Variants in MYO3A observed in about 807,000 individuals in gnomAD.
The protein encoded by MYO3A is myosin-IIIa.
A neutral mutation model predicts 192.7 loss-of-function variants in MYO3A; 180 were observed. The ratio of observed to expected loss-of-function variants is 0.93; its 90% CI spans 0.83 to 1.06. MYO3A has a LOEUF of 1.06. Among genes scored for constraint, MYO3A ranks in the 50% least tolerant of loss-of-function variants. The pLI, the probability that MYO3A is intolerant of heterozygous loss-of-function variation, is 0.00. For missense variants in MYO3A, 1,896 were observed against 1,905.0 expected, an observed-to-expected ratio of 1.00 and a Z score of 0.09; for synonymous variants, 628 against 645.3, an observed-to-expected ratio of 0.97 and a Z score of 0.41.
intron 19 of MYO3A, among the ~76,000 whole-genome samples, chr10:26,126,266 G>C (rs947841219): frequency 6.6e-6 from 1 of 152,058 alleles, no homozygotes. Context: ...CTAAAGCTTT[G>C]TTCTGTGATA....
intron 18 of MYO3A, among the ~76,000 whole-genome samples, chr10:26,122,054 T>G (rs745536710): frequency 6.6e-6 from 1 of 152,226 alleles, no homozygotes; most frequent in Non-Finnish European, 1.5e-5. Context: ...TTGGCATGTA[T>G]GATATTAACT....
chr10:26,045,629 T>C (rs1171397007), intron 10 of MYO3A, among the ~76,000 whole-genome samples: 4 of 152,204 alleles, frequency 2.6e-5, no homozygotes, highest in African/African-American at 7.2e-5. Flanking sequence ...TGGGGTGCTT[T>C]AGGTCTCAGA....
intron 9 of MYO3A, 101 bp downstream of exon 9, chr10:26,024,188 C>T: frequency 1.8e-6 from 2 of 1,125,640 alleles, no homozygotes; most frequent in East Asian, 2.5e-5. Context: ...CCAGAGATTT[C>T]TATTATTTTC....
chr10:26,181,615 A>C (rs1443278297), intron 31 of MYO3A, among the ~76,000 whole-genome samples: 1 of 152,180 alleles, frequency 6.6e-6, no homozygotes, highest in African/African-American at 2.4e-5. Context: ...AGGAGTAAAA[A>C]AAATAAAAAG....
chr10:25,937,598 C>G (rs2130793608), intron 2 of MYO3A, among the ~76,000 whole-genome samples: 1 of 152,200 alleles, frequency 6.6e-6, no homozygotes, highest in African/African-American at 2.4e-5. Flanking sequence ...GATCTGGTGA[C>G]TTAAAGTTTT....
chr10:26,007,818 T>C (rs1162504122), intron 6 of MYO3A, among the ~76,000 whole-genome samples: 1 of 151,636 alleles, frequency 6.6e-6, no homozygotes, highest in Non-Finnish European at 1.5e-5. Context: ...CAAGGTAATT[T>C]ATAGATTCAT....
At chr10:26,149,807 C>T (rs1840694527) in intron 23 of MYO3A, among the ~76,000 whole-genome samples, 1 of 152,062 alleles carries the variant, frequency 6.6e-6, no homozygotes, top group Non-Finnish European at 1.5e-5. Flanking sequence ...ATACTATGAA[C>T]TTACGTATCC....
At chr10:26,053,548 G>A (rs72795837) in intron 10 of MYO3A, among the ~76,000 whole-genome samples, 24,710 of 152,148 alleles carry the variant, frequency 0.16, 2,288 homozygotes, top group Non-Finnish European at 0.21. Context: ...TAGAGCAGCT[G>A]GGCACGGTGG....
At chr10:26,141,804 G>C (rs7074143) in intron 20 of MYO3A, among the ~76,000 whole-genome samples, 14,805 of 152,132 alleles carry the variant, frequency 0.097, 792 homozygotes, top group Non-Finnish European at 0.12. Context: ...CCACCTTTTA[G>C]ACCATCTATT....
chr10:26,102,225 C>T (rs768729826), intron 17 of MYO3A, among the ~76,000 whole-genome samples: 10 of 152,170 alleles, frequency 6.6e-5, no homozygotes, highest in African/African-American at 9.7e-5. Context: ...ACATAGTTCT[C>T]GTGCCATGGT....
At chr10:25,992,685 A>G (rs1233897349) in intron 4 of MYO3A, among the ~76,000 whole-genome samples, 2 of 152,200 alleles carry the variant, frequency 1.3e-5, no homozygotes, top group Non-Finnish European at 2.9e-5. Context: ...ATGTCCCATC[A>G]ATACCTAATT....
chr10:26,011,103 C>T (rs1387967744), intron 6 of MYO3A, among the ~76,000 whole-genome samples: 1 of 152,144 alleles, frequency 6.6e-6, no homozygotes, highest in Non-Finnish European at 1.5e-5. Flanking sequence ...ACCTCTGCCT[C>T]CCTGGCTCAC....
chr10:26,055,864 A>C (rs1844284237), intron 10 of MYO3A, among the ~76,000 whole-genome samples: 1 of 152,226 alleles, frequency 6.6e-6, no homozygotes. Flanking sequence ...CCACTCCCTT[A>C]TGCCTGTAGC....
At chr10:25,946,011 TTA>T (rs974167746) in intron 2 of MYO3A, among the ~76,000 whole-genome samples, 85 of 152,292 alleles carry the variant, frequency 5.6e-4, no homozygotes, top group African/African-American at 1.8e-3. Context: ...CCCCCACACT[TTA>T]TGTTATTGAT....
At chr10:25,965,604 A>G (rs1351538726) in intron 4 of MYO3A, among the ~76,000 whole-genome samples, 2 of 151,996 alleles carry the variant, frequency 1.3e-5, no homozygotes, top group African/African-American at 4.8e-5. Context: ...GTGCAGCACT[A>G]GGACTTGCTT....
chr10:26,068,963 C>A, intron 12 of MYO3A, 79 bp downstream of exon 12: 2 of 996,298 alleles, frequency 2.0e-6, no homozygotes, highest in Non-Finnish European at 1.6e-6. Flanking sequence ...TAAATGAATG[C>A]CAGAAAATTT....
intron 22 of MYO3A, 132 bp downstream of exon 22, chr10:26,145,666 T>C (rs1840419497): frequency 1.9e-5 from 15 of 787,836 alleles, no homozygotes; most frequent in Non-Finnish European, 3.1e-5. Flanking sequence ...CCGCCCCCAC[T>C]GGCCCTAATT....
chr10:26,074,012 T>C (rs1423847460), intron 14 of MYO3A, among the ~76,000 whole-genome samples: 1 of 152,150 alleles, frequency 6.6e-6, no homozygotes, highest in African/African-American at 2.4e-5. Context: ...AAGCTGAGGA[T>C]ACACACTTTG....
At chr10:26,066,851 G>A in intron 10 of MYO3A, 124 bp from the exon 11 acceptor site, 1 of 683,258 alleles carries the variant, frequency 1.5e-6, no homozygotes. Flanking sequence ...GCTATTTTCT[G>A]GTATCTTATC....
Sources: gnomAD v4.1 joint callset for allele counts (sites outside exome capture counted in the v4.1 genomes callset) on GRCh38, gnomAD v4.1.1 for gene constraint, MANE v1.5 for transcripts, NCBI Gene and HGNC (gene_info 2026-07-23, HGNC 2026-07-21) for gene names.